Variants in IDO2 observed in about 807,000 individuals in gnomAD.
IDO2 encodes the protein indoleamine 2,3-dioxygenase-like 1 protein.
In IDO2, 46 loss-of-function variants were observed where a neutral mutation model predicts 45.1. The ratio of observed to expected loss-of-function variants is 1.02; its 90% CI spans 0.80 to 1.30. The LOEUF (loss-of-function observed/expected upper bound fraction) is 1.30. Among genes scored for constraint, IDO2 ranks in the 50% most tolerant of loss-of-function variants. The pLI is 0.00. For synonymous variants in IDO2, 218 were observed against 184.9 expected (o/e 1.18, Z -1.45); for missense variants, 544 against 491.8 (o/e 1.11, Z -1.00).
rs576854909 is a variant in IDO2 at position 39,945,506 on chromosome 8, T to C, written c.-17-3643T>C. On this transcript the variant is annotated intron_variant, in intron 1 of 10. Coordinates refer to ENST00000502986, the Ensembl canonical transcript of IDO2. ...TTGGTGAACCTGGCTGGTTGTTATG[T>C]TGAAACTGCAAAAGGGAGGGATAAC... Among the ~76,000 whole-genome samples the C allele has an allele frequency of 2.0e-5, 3 of 152,334 alleles. No homozygotes were observed. In the South Asian group the frequency reaches 6.2e-4, roughly 32 times the overall value.
chr8:39,955,122 G>C (rs1807870811), intron 2 of IDO2, among the ~76,000 whole-genome samples: 2 of 150,504 alleles, frequency 1.3e-5, no homozygotes, highest in South Asian at 4.3e-4. Flanking sequence ...ATAGGAATTT[G>C]GGGGAGACAC....
At chr8:39,958,031 G>T (rs955198581) in intron 2 of IDO2, among the ~76,000 whole-genome samples, 1 of 146,072 alleles carries the variant, frequency 6.8e-6, no homozygotes, top group African/African-American at 2.5e-5. Context: ...TCAGCCTCCC[G>T]AGTAGCTGGG....
At chr8:40,015,534 G>A (rs72632016) in exon 11 of IDO2, 93,109 of 1,613,822 alleles carry the variant, frequency 0.058, 3,596 homozygotes, top group African/African-American at 0.19. Flanking sequence ...AGGTGGAACC[G>A]CAGTTATGAG....
At chr8:39,989,313 C>A (rs1403457087) in intron 7 of IDO2, among the ~76,000 whole-genome samples, 1 of 152,108 alleles carries the variant, frequency 6.6e-6, no homozygotes, top group Non-Finnish European at 1.5e-5. Flanking sequence ...GGATTACCAT[C>A]CAAGATGAGA....
At chr8:39,993,896 A>G (rs1191997783) in intron 8 of IDO2, among the ~76,000 whole-genome samples, 1 of 152,044 alleles carries the variant, frequency 6.6e-6, no homozygotes, top group Non-Finnish European at 1.5e-5. Context: ...AATCCCAGCT[A>G]CTCAGGAGGC....
In IDO2 at chr8:39,936,624, C is replaced by T. The variant is rs147961328; in HGVS notation, c.-18+1406C>T. 5.6e-3 allele frequency among the ~76,000 whole-genome samples: 856 copies of T among 152,254 alleles called. 7 individuals are homozygous for T. The highest frequency in any genetic ancestry group is 0.019 in the African/African-American group (809 of 41,552). ...AAGACAATTGCAGTAATTTGCTTAA[C>T]GGCAGGATTTACGGCAAGTACATGC... On this transcript the variant is annotated intron_variant, in intron 1 of 10. Coordinates refer to ENST00000502986, the Ensembl canonical transcript of IDO2.
chr8:39,946,560 T>TGG (rs1807734503), intron 1 of IDO2, among the ~76,000 whole-genome samples: 4 of 152,036 alleles, frequency 2.6e-5, no homozygotes, highest in African/African-American at 9.7e-5. Flanking sequence ...TGAGCCGAGA[T>TGG]CATGCCACTG....
At chr8:39,962,162 T>G (rs1808008391) in intron 2 of IDO2, among the ~76,000 whole-genome samples, 2 of 152,218 alleles carry the variant, frequency 1.3e-5, no homozygotes, top group Admixed American at 1.3e-4. Context: ...TATGTCTTAC[T>G]TGGCTAAACC....
chr8:39,995,945 G>C (rs1267443654), intron 8 of IDO2, among the ~76,000 whole-genome samples: 1 of 152,014 alleles, frequency 6.6e-6, no homozygotes, highest in African/African-American at 2.4e-5. Flanking sequence ...TCAGTGCCTA[G>C]AAAAGGCACT....
chr8:40,014,127 T>C (rs922509142), intron 10 of IDO2, among the ~76,000 whole-genome samples: 7 of 152,334 alleles, frequency 4.6e-5, no homozygotes, highest in African/African-American at 1.4e-4. Context: ...CAAATCTATT[T>C]ATACCAGCAG....
At chr8:39,961,819 C>T (rs557552817) in intron 2 of IDO2, among the ~76,000 whole-genome samples, 1 of 152,310 alleles carries the variant, frequency 6.6e-6, no homozygotes, top group South Asian at 2.1e-4. Flanking sequence ...TTCATTTGCT[C>T]ACCTAATTCA....
chr8:39,958,731 G>A (rs1264394018), intron 2 of IDO2, among the ~76,000 whole-genome samples: 1 of 152,174 alleles, frequency 6.6e-6, no homozygotes, highest in Non-Finnish European at 1.5e-5. Context: ...GATTACAGGT[G>A]TGAGCCACTG....
chr8:39,991,224 A>AT (rs1808492090), intron 8 of IDO2, among the ~76,000 whole-genome samples: 2 of 152,090 alleles, frequency 1.3e-5, no homozygotes, highest in South Asian at 4.2e-4. Context: ...TTATATTTGT[A>AT]TTTTCTCTAT....
intron 3 of IDO2, among the ~76,000 whole-genome samples, chr8:39,965,524 A>ATG (rs1262553269): frequency 6.6e-6 from 1 of 152,026 alleles, no homozygotes; most frequent in Non-Finnish European, 1.5e-5. Flanking sequence ...ATATATATAT[A>ATG]TTAAAATACA....
At chr8:40,014,082 A>T (rs1802351173) in intron 10 of IDO2, among the ~76,000 whole-genome samples, 1 of 152,170 alleles carries the variant, frequency 6.6e-6, no homozygotes, top group Non-Finnish European at 1.5e-5. Context: ...ATCTTCCAAG[A>T]AAGTCCTTCC....
chr8:39,975,969 G>A (rs1408652499), intron 3 of IDO2, among the ~76,000 whole-genome samples: 1 of 152,068 alleles, frequency 6.6e-6, no homozygotes, highest in Non-Finnish European at 1.5e-5. Context: ...AAGTTCAAAA[G>A]CATTCAAACT....
chr8:39,948,164 T>C (rs1807766502), intron 1 of IDO2, among the ~76,000 whole-genome samples: 1 of 152,284 alleles, frequency 6.6e-6, no homozygotes, highest in Non-Finnish European at 1.5e-5. Context: ...TTAGTATTTA[T>C]TATCTCATTT....
At chr8:39,999,278 T>C (rs918178798) in intron 8 of IDO2, among the ~76,000 whole-genome samples, 1 of 25,184 alleles carries the variant, frequency 4.0e-5, no homozygotes, top group Admixed American at 5.5e-4. Flanking sequence ...TGCTGCTGCT[T>C]TTTTTTTTTT....
chr8:39,949,840 T>C (rs1157978549), intron 2 of IDO2, among the ~76,000 whole-genome samples: 1 of 152,206 alleles, frequency 6.6e-6, no homozygotes, highest in Non-Finnish European at 1.5e-5. Flanking sequence ...ACTTGGGTGC[T>C]TTCAGGGCTG....
Sources: allele counts gnomAD v4.1 joint callset (sites outside exome capture counted in the v4.1 genomes callset), GRCh38; gene constraint gnomAD v4.1.1; transcripts MANE v1.5; gene names NCBI Gene and HGNC (gene_info 2026-07-23, HGNC 2026-07-21).